FRY: variants seen among roughly 807,000 people sequenced by gnomAD.
FRY encodes the protein protein furry homolog.
In FRY, 128 loss-of-function variants were observed where a neutral mutation model predicts 348.4. The observed-to-expected ratio is 0.37, with a 90% CI of 0.32 to 0.43. The LOEUF is 0.43. Among genes scored for constraint, FRY ranks in the 20% least tolerant of loss-of-function variants. The pLI is 1.00. For missense variants in FRY, 2,736 were observed against 3,695.2 expected (o/e 0.74, Z 6.73); for synonymous variants, 1,370 against 1,374.7 (o/e 1.00, Z 0.08).
At chr13:32,153,010 C>T (rs1260378596) in intron 14 of FRY, among the ~76,000 whole-genome samples, 2 of 152,070 alleles carry the variant, frequency 1.3e-5, no homozygotes, top group Non-Finnish European at 2.9e-5. Context: ...GACATTCAAC[C>T]TCATTAGTCA....
intron 40 of FRY, among the ~76,000 whole-genome samples, chr13:32,228,855 G>A (rs903589645): frequency 1.3e-5 from 2 of 152,192 alleles, no homozygotes; most frequent in Non-Finnish European, 2.9e-5. Flanking sequence ...GACATCAATA[G>A]CAGTTTCTAG....
At chr13:32,264,218 G>A (rs73444629) in intron 53 of FRY, among the ~76,000 whole-genome samples, 2,027 of 152,142 alleles carry the variant, frequency 0.013, 43 homozygotes, top group African/African-American at 0.045. Context: ...CCTAGACCAG[G>A]CACCAGTGGC....
intron 47 of FRY, 71 bp downstream of exon 47, chr13:32,244,253 C>A: frequency 7.1e-7 from 1 of 1,410,738 alleles, no homozygotes; most frequent in Non-Finnish European, 1.0e-6. Context: ...TGTAGCTTGG[C>A]TACAAAACCA....
chr13:32,252,226 T>A (rs752826871), intron 50 of FRY, among the ~76,000 whole-genome samples: 1 of 152,092 alleles, frequency 6.6e-6, no homozygotes, highest in Non-Finnish European at 1.5e-5. Context: ...TTTTTTTTTA[T>A]AAATATGCCC....
chr13:32,234,606 G>T lies in FRY; in HGVS notation c.5560G>T (p.Ala1854Ser). The T allele has an allele frequency of 6.2e-7, 1 of 1,614,166 alleles. No homozygotes were observed. The highest frequency in any genetic ancestry group is 8.5e-7 in the Non-Finnish European group (1 of 1,180,018). The change falls in exon 42 of 61, where the codon GCA (alanine) becomes TCA (serine). Residue 1854 changes from alanine to serine, a missense_variant. Transcript: ENST00000542859. ...FHLEHQLSEVALQTALASSSR... is the reference protein window; with the variant it reads ...FHLEHQLSEVSLQTALASSSR... ...TCTGGAGCACCAGTTGAGTGAAGTT[G>T]CATTGCAGACAGCCCTCGCAAGCTC...
Position 32,236,171 on chromosome 13 carries a change from C to T in FRY, c.5809C>T (p.Arg1937Cys), listed in dbSNP as rs1185672576. ...KNSDLLTVLSRSSSPDLSSSS... is the reference protein window; with the variant it reads ...KNSDLLTVLSCSSSPDLSSSS... ...CAGTGACCTCCTAACTGTATTGTCC[C>T]GGTGAGAATCAGCTTAATGATACTT... The change falls in exon 43 of 61, where the codon CGC becomes TGC. Residue 1937 changes from arginine (R) to cysteine (C), a missense_variant and splice_region_variant. This residue lies in a region of FRY where 794 missense variants were observed against 977.0 expected (regional missense o/e 0.81). Coordinates refer to ENST00000542859, the MANE Select transcript of FRY (RefSeq NM_023037.3). 5.6e-6 allele frequency: 9 copies of T among 1,603,248 alleles called. No homozygotes were observed. Among genetic ancestry groups the T allele is most frequent in the East Asian group, 4.5e-5 (2 of 44,798 alleles).
chr13:32,073,177 G>A (rs140959499), intron 1 of FRY, among the ~76,000 whole-genome samples: 1 of 152,196 alleles, frequency 6.6e-6, no homozygotes, highest in African/African-American at 2.4e-5. Context: ...TGCTTCCTGA[G>A]GAATGGAGTA....
chr13:32,284,206 A>G (rs192577548), intron 58 of FRY, among the ~76,000 whole-genome samples: 6 of 152,348 alleles, frequency 3.9e-5, no homozygotes, highest in Admixed American at 6.5e-5. Flanking sequence ...CTCAAGTACA[A>G]TAATTTATAT....
Position 32,209,621 on chromosome 13 carries a change from G to C in FRY, c.4312G>C (p.Ala1438Pro), listed in dbSNP as rs1204705855. 1 of 1,614,008 alleles carries C rather than the reference G, an allele frequency of 6.2e-7. No individual in the cohort carries two copies. The highest frequency in any genetic ancestry group is 1.7e-5 in the Admixed American group (1 of 60,014). ...DEVPGPEMEN[A>P]WNALANNEKW... ...AGTTCCTGGGCCAGAAATGGAAAAT[G>C]CTTGGAATGCTTTAGCCAACAATGA... Residue 1438 changes from alanine to proline, a missense_variant, in exon 33 of 61, where the codon GCT becomes CCT. By Grantham distance (27) the Ala-to-Pro change is conservative. Transcript: ENST00000542859.
chr13:32,149,190 T>C (rs1880646467), intron 13 of FRY, among the ~76,000 whole-genome samples: 1 of 149,200 alleles, frequency 6.7e-6, no homozygotes, highest in South Asian at 2.1e-4. Flanking sequence ...TTGTTATATA[T>C]ATACCTGGCA....
rs1181176316 is a variant in FRY at position 32,171,233 on chromosome 13, A to G, written c.2114A>G (p.Lys705Arg). ...QWKLVIQTQG[K>R]VYEQANKIRN... ...AAACTAGTCATCCAGACACAAGGAA[A>G]AGTCTATGAACAAGCCAACAAAATC... The change falls in exon 18 of 61, where the codon AAA becomes AGA. Residue 705 changes from lysine to arginine, a missense_variant. Physicochemically the swap from Lys to Arg is conservative, Grantham distance 26. Transcript: ENST00000542859. 1 of 1,613,788 alleles carries G rather than the reference A, an allele frequency of 6.2e-7. No homozygotes were observed. Among genetic ancestry groups the G allele is most frequent in the African/African-American group, 1.3e-5 (1 of 75,000 alleles).
chr13:32,277,595 A>G (rs1888592621), intron 57 of FRY, among the ~76,000 whole-genome samples: 1 of 152,232 alleles, frequency 6.6e-6, no homozygotes, highest in African/African-American at 2.4e-5. Context: ...TGCCTTGAAA[A>G]CAGAAATAAT....
At chr13:32,208,791 A>G in intron 31 of FRY, 62 bp from the exon 32 acceptor site, 1 of 1,599,828 alleles carries the variant, frequency 6.3e-7, no homozygotes, top group Non-Finnish European at 8.6e-7. Flanking sequence ...TGGCATTTGA[A>G]TTTCCATTTA....
chr13:32,117,416 A>C lies in FRY; in HGVS notation c.407A>C (p.Asn136Thr), dbSNP rs1214315109. 3 of 1,613,750 alleles carry C rather than the reference A, an allele frequency of 1.9e-6. No individual in the cohort carries two copies. The highest frequency in any genetic ancestry group is 2.5e-6 in the Non-Finnish European group (3 of 1,179,778). ...TTATTTGACTGGTATAAAAGGCAAA[A>C]TGGCATTGAGGATGAATCACATGAA... ...RTLFDWYKRQ[N>T]GIEDESHEYR... The change falls in exon 4 of 61, where the codon AAT (asparagine) becomes ACT (threonine). Residue 136 changes from asparagine (N) to threonine (T), a missense_variant. Asn to Thr is a moderately conservative substitution (Grantham distance 65). Transcript: ENST00000542859.
At chr13:32,144,180 T>C (rs2138813064) in intron 11 of FRY, among the ~76,000 whole-genome samples, 1 of 151,528 alleles carries the variant, frequency 6.6e-6, no homozygotes, top group African/African-American at 2.4e-5. Context: ...TTGACAAATT[T>C]TACCTGTTAT....
intron 51 of FRY, among the ~76,000 whole-genome samples, chr13:32,257,623 C>A (rs1330049959): frequency 1.4e-5 from 2 of 141,718 alleles, no homozygotes; most frequent in Non-Finnish European, 3.2e-5. Flanking sequence ...TAACAGTTTT[C>A]TCACGAATAC....
chr13:32,281,247 A>G (rs1041056434), intron 58 of FRY, among the ~76,000 whole-genome samples: 3 of 152,202 alleles, frequency 2.0e-5, no homozygotes, highest in African/African-American at 7.2e-5. Context: ...ATCTCATTTG[A>G]TCCTTTACAA....
At chr13:32,228,866 G>A (rs1013496719) in intron 40 of FRY, among the ~76,000 whole-genome samples, 2 of 152,194 alleles carry the variant, frequency 1.3e-5, no homozygotes, top group Non-Finnish European at 2.9e-5. Flanking sequence ...CAGTTTCTAG[G>A]ATCCCACTGA....
At chr13:32,275,278 C>G in intron 56 of FRY, 1 of 301,232 alleles carries the variant, frequency 3.3e-6, no homozygotes, top group Non-Finnish European at 6.6e-6. Flanking sequence ...ATCCCAGCTA[C>G]TCGGGAGGCT....
Sources: gnomAD v4.1 joint callset for allele counts (sites outside exome capture counted in the v4.1 genomes callset) on GRCh38, gnomAD v4.1.1 for gene constraint, gnomAD v4.1.1 regional missense constraint, MANE v1.5 for transcripts, NCBI Gene and HGNC (gene_info 2026-07-23, HGNC 2026-07-21) for gene names.